Variants in SOWAHB observed in about 807,000 individuals in gnomAD.
The protein encoded by SOWAHB is sosondowah ankyrin repeat domain family member B, also known as ankyrin repeat domain-containing protein SOWAHB.
A neutral mutation model predicts 18.3 loss-of-function variants in SOWAHB; 17 were observed. The observed-to-expected ratio is 0.93, with a 90% CI of 0.64 to 1.40. The LOEUF (loss-of-function observed/expected upper bound fraction) is 1.40, where lower values mean the gene tolerates loss of function less well. Ranked by LOEUF, SOWAHB falls within the 40% of genes most tolerant of loss-of-function variation. The pLI is 0.00. For missense variants in SOWAHB, 1,126 were observed against 1,033.7 expected (o/e 1.09, Z -1.22); for synonymous variants, 496 against 448.1 (o/e 1.11, Z -1.35).
rs759408565 is a variant in SOWAHB, at chr4:76,897,233, G to T, written c.617C>A (p.Ala206Asp). Reference sequence around the variant, plus strand: ...TGCGCCGAGCTCTCCCGGCAGTACAGCCAGGTTGTTCTGGAGGCATTCCCA... The same window carrying T: ...TGCGCCGAGCTCTCCCGGCAGTACATCCAGGTTGTTCTGGAGGCATTCCCA... ...CCWECLQNNL[A>D]VLPGELGALP... Residue 206 changes from alanine (A) to aspartate (D), a missense_variant, in exon 1 of 1, where the codon GCT becomes GAT. Ala to Asp is a moderately radical substitution (Grantham distance 126, BLOSUM62 -2). Coordinates refer to ENST00000334306, the MANE Select transcript of SOWAHB (RefSeq NM_001029870.3). This position sits in a 1 kb window ranked among gnomAD's most constrained non-coding sequence, Gnocchi z 6.4. 2 of 1,581,452 alleles carry T rather than the reference G, an allele frequency of 1.3e-6. No homozygotes were observed. Among genetic ancestry groups the T allele is most frequent in the East Asian group, 4.5e-5 (2 of 44,152 alleles).
At position 76,897,327 on chromosome 4, in the gene SOWAHB, C is replaced by A; in HGVS notation, c.523G>T (p.Ala175Ser). 6.5e-7 allele frequency: 1 copy of A among 1,538,116 alleles called. No individual in the cohort carries two copies. The highest frequency in any genetic ancestry group is 2.4e-5 in the East Asian group (1 of 41,074). The part of the protein sequence containing the change: ...GSPGQRPPVP[A>S]AAAAGAQARA... Reference sequence around the variant, plus strand: ...GCCTGGGCCCCTGCCGCTGCAGCTGCGGGCACCGGCGGCCTCTGTCCGGGA... The same window carrying A: ...GCCTGGGCCCCTGCCGCTGCAGCTGAGGGCACCGGCGGCCTCTGTCCGGGA... Residue 175 changes from alanine (A) to serine (S), a missense_variant, in exon 1 of 1, where the codon GCA (alanine) becomes TCA (serine). By Grantham distance (99) the Ala-to-Ser change is moderately conservative (BLOSUM62 1). Transcript: ENST00000334306. This position sits in a 1 kb window ranked among gnomAD's most constrained non-coding sequence, Gnocchi z 6.4.
In SOWAHB at chr4:76,895,991, G is replaced by C. The variant is rs1053563674; in HGVS notation, c.1859C>G (p.Pro620Arg). 6.2e-7 allele frequency: 1 copy of C among 1,613,932 alleles called. No homozygotes were observed. The change falls in exon 1 of 1, where the codon CCT becomes CGT. Residue 620 changes from proline (P) to arginine (R), a missense_variant. Physicochemically the swap from Pro to Arg is moderately radical, Grantham distance 103. Coordinates refer to ENST00000334306, the MANE Select transcript of SOWAHB (RefSeq NM_001029870.3). ...AAAGTCTTTGTGCAAGGCCAGTTGA[G>C]GGTCCTCCCAGAACAAAGTCCACAC... Reference protein sequence around the residue: ...IQVWTLFWEDPQLALHKDFLT... With the variant: ...IQVWTLFWEDRQLALHKDFLT...
At position 76,897,924 on chromosome 4, in the gene SOWAHB, G is replaced by T; in HGVS notation, c.-75C>A. 1 of 1,453,206 alleles carries T rather than the reference G, an allele frequency of 6.9e-7. No homozygotes were observed. Among genetic ancestry groups the T allele is most frequent in the Non-Finnish European group, 9.2e-7 (1 of 1,089,964 alleles). 90.0% of individuals were successfully genotyped at this position (1,453,206 alleles called of 1,614,324 possible). A position where few individuals can be genotyped will look rare whatever the true frequency, so the allele number is the denominator to read the frequency against. ...GCTCTCCCCAGCCAGAGGAAACCCT[G>T]GCCGGGCGAGTGTCACCTGCGCCCG... On this transcript the variant is annotated 5_prime_UTR_variant, in exon 1 of 1. Transcript: ENST00000334306. This position sits in a 1 kb window ranked among gnomAD's most constrained non-coding sequence, Gnocchi z 6.4.
At position 76,897,244 on chromosome 4, in the gene SOWAHB, C is replaced by A; in HGVS notation, c.606G>T (p.Gln202His). ...TQGRCCWECL[Q>H]NNLAVLPGEL... ...CTCCCGGCAGTACAGCCAGGTTGTT[C>A]TGGAGGCATTCCCAGCAGCAGCGGC... is the stretch of plus-strand genomic sequence containing the variant. Residue 202 changes from glutamine (Q) to histidine (H), a missense_variant, in exon 1 of 1, where the codon CAG (glutamine) becomes CAT (histidine). Coordinates refer to ENST00000334306, the MANE Select transcript of SOWAHB (RefSeq NM_001029870.3). The surrounding 1 kb of genome is among the most constrained non-coding windows in gnomAD (Gnocchi z 6.4). 1 of 1,578,432 alleles carries A rather than the reference C, an allele frequency of 6.3e-7. No individual in the cohort carries two copies. Among genetic ancestry groups the A allele is most frequent in the Non-Finnish European group, 8.5e-7 (1 of 1,170,472 alleles).
chr4:76,897,074 G>T lies in SOWAHB; in HGVS notation c.776C>A (p.Pro259His), dbSNP rs576706534. Residue 259 changes from proline to histidine, a missense_variant, in exon 1 of 1, where the codon CCT becomes CAT. Transcript: ENST00000334306. The surrounding 1 kb of genome is among the most constrained non-coding windows in gnomAD (Gnocchi z 6.4). ...PAPVPAVAHSPPATVEAATSR... is the reference protein window; with the variant it reads ...PAPVPAVAHSHPATVEAATSR... Reference sequence around the variant, plus strand: ...TGTCGCAGCCTCGACGGTGGCGGGAGGCGAGTGAGCCACTGCAGGCACAGG... The same window carrying T: ...TGTCGCAGCCTCGACGGTGGCGGGATGCGAGTGAGCCACTGCAGGCACAGG... 6.5e-7 allele frequency: 1 copy of T among 1,538,160 alleles called. No homozygotes were observed. The highest frequency in any genetic ancestry group is 8.7e-7 in the Non-Finnish European group (1 of 1,148,068).
At position 76,896,994 on chromosome 4, in the gene SOWAHB, G is replaced by C. The variant is rs749865033; in HGVS notation, c.856C>G (p.Pro286Ala). The change falls in exon 1 of 1, where the codon CCG becomes GCG. Residue 286 changes from proline (P) to alanine (A), a missense_variant. Physicochemically the swap from Pro to Ala is conservative, Grantham distance 27. Transcript: ENST00000334306. ...LPGPAPRGDR[P>A]ELLTPSSLHY... ...AGGGAGCTGGGGGTCAGCAGCTCCG[G>C]CCGGTCTCCGCGGGGAGCGGGGCCG... 8 of 1,573,064 alleles carry C rather than the reference G, an allele frequency of 5.1e-6. No individual in the cohort carries two copies. In the South Asian group the frequency reaches 6.8e-5, roughly 13 times the overall value.
chr4:76,897,920 C>A lies in SOWAHB; in HGVS notation c.-71G>T, dbSNP rs1166957491. 2 of 1,471,842 alleles carry A rather than the reference C, an allele frequency of 1.4e-6. No homozygotes were observed. Among genetic ancestry groups the A allele is most frequent in the Non-Finnish European group, 1.8e-6 (2 of 1,104,060 alleles). The allele number at this position is 1,471,842 out of a possible 1,614,324, so 91.2% of individuals were successfully genotyped here. ...CGGGGCTCTCCCCAGCCAGAGGAAA[C>A]CCTGGCCGGGCGAGTGTCACCTGCG... is the stretch of plus-strand genomic sequence containing the variant. On this transcript the variant is annotated 5_prime_UTR_variant, in exon 1 of 1. Coordinates refer to ENST00000334306, the MANE Select transcript of SOWAHB (RefSeq NM_001029870.3). The surrounding 1 kb of genome is among the most constrained non-coding windows in gnomAD (Gnocchi z 6.4).
At position 76,896,222 on chromosome 4, in the gene SOWAHB, A is replaced by G. The variant is rs749449058; in HGVS notation, c.1628T>C (p.Val543Ala). 1 of 1,572,422 alleles carries G rather than the reference A, an allele frequency of 6.4e-7. No individual in the cohort carries two copies. The highest frequency in any genetic ancestry group is 1.2e-5 in the South Asian group (1 of 86,184). Residue 543 changes from valine to alanine, a missense_variant, in exon 1 of 1, where the codon GTT (valine) becomes GCT (alanine). By Grantham distance (64) the Val-to-Ala change is moderately conservative (BLOSUM62 0). Coordinates refer to ENST00000334306, the MANE Select transcript of SOWAHB (RefSeq NM_001029870.3). ...SKAGTAPSPR[V>A]DAGLSLKLAE... is the part of the protein sequence containing the mutation. Reference sequence around the variant, plus strand: ...AAGTTTTAGTGATAAACCTGCATCAACCCTTGGGCTGGGTGCCGTTCCTGC... The same window carrying G: ...AAGTTTTAGTGATAAACCTGCATCAGCCCTTGGGCTGGGTGCCGTTCCTGC...
At position 76,896,041 on chromosome 4, in the gene SOWAHB, C is replaced by T; in HGVS notation, c.1809G>A (p.Lys603=). The T allele has an allele frequency of 6.2e-7, 1 of 1,610,322 alleles. No individual in the cohort carries two copies. The highest frequency in any genetic ancestry group is 8.5e-7 in the Non-Finnish European group (1 of 1,178,454). The part of the protein sequence containing the change: ...LDAREHEWIV[K]LASGSWIQVW... Reference sequence around the variant, plus strand: ...CCTGAATCCAGGAGCCACTGGCAAGCTTCACAATCCACTCATGCTCCCTGG... The same window carrying T: ...CCTGAATCCAGGAGCCACTGGCAAGTTTCACAATCCACTCATGCTCCCTGG... Residue 603 remains lysine (K), a synonymous_variant, in exon 1 of 1, where the codon AAG becomes AAA. Coordinates refer to ENST00000334306, the MANE Select transcript of SOWAHB (RefSeq NM_001029870.3).
In SOWAHB at chr4:76,897,937, TCACCTGCGCCCGGGGCGGCACTAGC is replaced by T; in HGVS notation, c.-113_-89del. The T allele has an allele frequency of 7.2e-7, 1 of 1,382,524 alleles. No homozygotes were observed. The highest frequency in any genetic ancestry group is 9.7e-7 in the Non-Finnish European group (1 of 1,036,234). 85.6% of individuals were successfully genotyped at this position (1,382,524 alleles called of 1,614,324 possible). A position where few individuals can be genotyped will look rare whatever the true frequency, so the allele number is the denominator to read the frequency against. On this transcript the variant is annotated 5_prime_UTR_variant, in exon 1 of 1. Coordinates refer to ENST00000334306, the MANE Select transcript of SOWAHB (RefSeq NM_001029870.3). The surrounding 1 kb of genome is among the most constrained non-coding windows in gnomAD (Gnocchi z 6.4). ...AGAGGAAACCCTGGCCGGGCGAGTG[TCACCTGCGCCCGGGGCGGCACTAGC>T]CGCCCCCATCAGCCGCGGAGGCCAG...
At position 76,897,593 on chromosome 4, in the gene SOWAHB, AG is replaced by A. The variant is rs1560663052; in HGVS notation, c.256del (p.Leu86CysfsTer161). 3 of 1,607,698 alleles carry A rather than the reference AG, an allele frequency of 1.9e-6. No individual in the cohort carries two copies. The South Asian group carries it at 3.3e-5, about 18-fold the overall frequency. On this transcript the variant is annotated frameshift_variant, in exon 1 of 1. Coordinates refer to ENST00000334306, the MANE Select transcript of SOWAHB (RefSeq NM_001029870.3). LOFTEE classifies it low-confidence loss of function (END_TRUNC). This position sits in a 1 kb window ranked among gnomAD's most constrained non-coding sequence, Gnocchi z 6.4. ...RYRDLLGEEG[L>X]QRPREPPAAA... ...CGCGGGCGGCTCGCGGGGTCGCTGC[AG>A]CCCCTCCTCCCCCAAAAGGTCCCTG... is the stretch of plus-strand genomic sequence containing the variant.
chr4:76,895,577 C>G lies in SOWAHB; in HGVS notation c.2273G>C (p.Arg758Pro). The stretch of plus-strand genomic sequence containing the variant: ...GAGTAGTGCAGCGAAGGAAGTTTTT[C>G]GGGTGACACTTCTAGATATTTCCTT... Reference protein sequence around the residue: ...KSKEISRSVTRKTSFAALLKS... With the variant: ...KSKEISRSVTPKTSFAALLKS... Residue 758 changes from arginine to proline, a missense_variant, in exon 1 of 1, where the codon CGA becomes CCA. By Grantham distance (103) the Arg-to-Pro change is moderately radical. Transcript: ENST00000334306. 6.2e-7 allele frequency: 1 copy of G among 1,614,184 alleles called. No homozygotes were observed. Among genetic ancestry groups the G allele is most frequent in the South Asian group, 1.1e-5 (1 of 91,082 alleles).
At position 76,898,119 on chromosome 4, in the gene SOWAHB, C is replaced by T; in HGVS notation, c.-270G>A. On this transcript the variant is annotated 5_prime_UTR_variant, in exon 1 of 1. Transcript: ENST00000334306. ...CCGCCCCTGCGCGACTCTAGCCTCTCGCAACGAGTCCTCACAGCGAAAGTT... is the reference window on the plus strand; with the variant it reads ...CCGCCCCTGCGCGACTCTAGCCTCTTGCAACGAGTCCTCACAGCGAAAGTT... 2.3e-6 allele frequency: 1 copy of T among 441,702 alleles called. No individual in the cohort carries two copies. The highest frequency in any genetic ancestry group is 4.0e-6 in the Non-Finnish European group (1 of 251,102). The allele number at this position is 441,702 out of a possible 1,614,324, so 27.4% of individuals were successfully genotyped here.
At position 76,894,221 on chromosome 4, in the gene SOWAHB, T is replaced by G. The variant is rs1719858179; in HGVS notation, c.*1247A>C. ...TAACCAGAAGAAACACAAAAAGACTTAAAATACAGCATCATTGTCACATCT... is the reference window on the plus strand; with the variant it reads ...TAACCAGAAGAAACACAAAAAGACTGAAAATACAGCATCATTGTCACATCT... On this transcript the variant is annotated 3_prime_UTR_variant, in exon 1 of 1. Coordinates refer to ENST00000334306, the MANE Select transcript of SOWAHB (RefSeq NM_001029870.3). Among the ~76,000 whole-genome samples, 1 of 152,184 alleles carries G rather than the reference T, an allele frequency of 6.6e-6. No individual in the cohort carries two copies. Among genetic ancestry groups the G allele is most frequent in the East Asian group, 1.9e-4 (1 of 5,206 alleles).
Position 76,895,863 on chromosome 4 carries a change from C to T in SOWAHB, c.1987G>A (p.Val663Ile). 1 of 1,614,230 alleles carries T rather than the reference C, an allele frequency of 6.2e-7. No homozygotes were observed. The highest frequency in any genetic ancestry group is 1.1e-5 in the South Asian group (1 of 91,084). Residue 663 changes from valine (V) to isoleucine (I), a missense_variant, in exon 1 of 1, where the codon GTA becomes ATA. Coordinates refer to ENST00000334306, the MANE Select transcript of SOWAHB (RefSeq NM_001029870.3). Reference sequence around the variant, plus strand: ...TATCCACAACTGGACCTCACGTTTACATCAAGGACAATCCCTGCCTTCTTT... The same window carrying T: ...TATCCACAACTGGACCTCACGTTTATATCAAGGACAATCCCTGCCTTCTTT... The part of the protein sequence containing the change: ...GAKKAGIVLD[V>I]NVRSSCGYTP...
Position 76,897,223 on chromosome 4 carries a change from C to G in SOWAHB, c.627G>C (p.Pro209=), listed in dbSNP as rs772817584. Reference sequence around the variant, plus strand: ...AGTGCGGGAGTGCGCCGAGCTCTCCCGGCAGTACAGCCAGGTTGTTCTGGA... The same window carrying G: ...AGTGCGGGAGTGCGCCGAGCTCTCCGGGCAGTACAGCCAGGTTGTTCTGGA... ...ECLQNNLAVL[P]GELGALPHSA... is the part of the protein sequence containing the mutation. The change falls in exon 1 of 1, where the codon CCG becomes CCC. Residue 209 remains proline (P), a synonymous_variant. Transcript: ENST00000334306. The surrounding 1 kb of genome is among the most constrained non-coding windows in gnomAD (Gnocchi z 6.4). 27 of 1,582,204 alleles carry G rather than the reference C, an allele frequency of 1.7e-5. No homozygotes were observed. The highest frequency in any genetic ancestry group is 5.2e-5 in the Admixed American group (3 of 57,652).
chr4:76,896,329 C>G lies in SOWAHB; in HGVS notation c.1521G>C (p.Leu507Phe). 2 of 1,604,690 alleles carry G rather than the reference C, an allele frequency of 1.2e-6. No homozygotes were observed. The highest frequency in any genetic ancestry group is 1.7e-6 in the Non-Finnish European group (2 of 1,173,622). The change falls in exon 1 of 1, where the codon TTG becomes TTC. Residue 507 changes from leucine to phenylalanine, a missense_variant. Coordinates refer to ENST00000334306, the MANE Select transcript of SOWAHB (RefSeq NM_001029870.3). ...RRSSLAGRAK[L>F]SSSDEEYLDE... ...CGAGGTACTCCTCATCAGAGGAGGACAATTTGGCTCTCCCTGCCAGAGAGC... is the reference window on the plus strand; with the variant it reads ...CGAGGTACTCCTCATCAGAGGAGGAGAATTTGGCTCTCCCTGCCAGAGAGC...
Position 76,895,725 on chromosome 4 carries a change from G to A in SOWAHB, c.2125C>T (p.Gln709Ter). The A allele has an allele frequency of 1.2e-6, 2 of 1,614,248 alleles. No individual in the cohort carries two copies. The highest frequency in any genetic ancestry group is 1.7e-6 in the Non-Finnish European group (2 of 1,180,044). The change falls in exon 1 of 1, where the codon CAG becomes TAG. Residue 709 changes from glutamine (Q) to a stop codon, truncating the protein, a stop_gained. Transcript: ENST00000334306. LOFTEE classifies it high-confidence loss of function. ...VRDSSGKKPWQYLTSNTSGEI... is the reference protein window; with the variant it reads ...VRDSSGKKPW ...CCAGAGGTATTACTGGTTAGATACT[G>A]CCATGGCTTCTTCCCACTGCTGTCC... is the stretch of plus-strand genomic sequence containing the variant.
Position 76,896,272 on chromosome 4 carries a change from T to C in SOWAHB, c.1578A>G (p.Pro526=). The change falls in exon 1 of 1, where the codon CCA becomes CCG. Residue 526 remains proline, a synonymous_variant. Coordinates refer to ENST00000334306, the MANE Select transcript of SOWAHB (RefSeq NM_001029870.3). ...CCTTGGAGGGCTTCCTGGATCGAGG[T>C]GGGCGCCGACTTCTTTTCAGCAAGC... ...DEGLLKRSRR[P]PRSRKPSKAG... The C allele has an allele frequency of 6.2e-7, 1 of 1,606,568 alleles. No homozygotes were observed. The highest frequency in any genetic ancestry group is 8.5e-7 in the Non-Finnish European group (1 of 1,175,156).
Sources: gnomAD v4.1 joint callset for allele counts (sites outside exome capture counted in the v4.1 genomes callset) on GRCh38, gnomAD v4.1.1 for gene constraint, Gnocchi (gnomAD v3.1) non-coding constraint, MANE v1.5 for transcripts, NCBI Gene and HGNC (gene_info 2026-07-23, HGNC 2026-07-21) for gene names.